Variants in LINC00237 observed in about 807,000 individuals in gnomAD.
LINC00237 encodes long intergenic non-protein coding RNA 237.
chr20:21,096,463 G>A (rs910976), intron 1 of LINC00237, among the ~76,000 whole-genome samples: 12,524 of 152,210 alleles, frequency 0.082, 942 homozygotes, highest in East Asian at 0.31. Flanking sequence ...TGGTCCTCGT[G>A]TCGCTGCAAG....
At chr20:21,088,861 A>C (rs1453204353) in intron 2 of LINC00237, among the ~76,000 whole-genome samples, 1 of 152,192 alleles carries the variant, frequency 6.6e-6, no homozygotes, top group Non-Finnish European at 1.5e-5. Context: ...TTCCAAAAAA[A>C]AAATCAACAT....
chr20:21,100,021 C>T (rs1210100885), intron 1 of LINC00237, among the ~76,000 whole-genome samples: 1 of 152,230 alleles, frequency 6.6e-6, no homozygotes, highest in African/African-American at 2.4e-5. Context: ...TATGCAAATT[C>T]TGACCTCCGA....
intron 3 of LINC00237, among the ~76,000 whole-genome samples, chr20:21,087,004 A>G (rs2030720612): frequency 6.9e-6 from 1 of 144,460 alleles, no homozygotes; most frequent in Non-Finnish European, 1.5e-5. Flanking sequence ...TATATAGTAC[A>G]TATATAGTAT....
chr20:21,086,652 T>TATATATAGTATACTAC (rs1555861067), intron 3 of LINC00237, among the ~76,000 whole-genome samples: 10,585 of 30,264 alleles, frequency 0.35, 868 homozygotes, highest in East Asian at 0.55. Flanking sequence ...TAGTATACTA[T>TATATATAGTATACTAC]ATATGTATAG....
exon 2 of LINC00237, chr20:21,093,499 C>T (rs1362091424): frequency 1.3e-5 from 2 of 152,274 alleles, no homozygotes; most frequent in African/African-American, 2.4e-5. Context: ...AGTTCTCCCA[C>T]AGCATTACTC....
Position 21,102,343 on chromosome 20 carries a change from G to A in LINC00237, n.88+3928C>T, listed in dbSNP as rs138578931. On this transcript the variant is annotated intron_variant and non_coding_transcript_variant, in intron 1 of 3. Transcript: ENST00000691244. ...GGAATTTAAGTTTCCCACTCTCGAC[G>A]TGTCTGGAACCTTCCCTCTAGCCGC... is the stretch of plus-strand genomic sequence containing the variant. Among the ~76,000 whole-genome samples, 1,514 of 152,278 alleles carry A rather than the reference G, an allele frequency of 9.9e-3. 24 individuals carry two copies. Among genetic ancestry groups the A allele is most frequent in the African/African-American group, 0.034 (1,427 of 41,556 alleles).
intron 1 of LINC00237, among the ~76,000 whole-genome samples, chr20:21,096,027 G>A (rs2030853777): frequency 6.6e-6 from 1 of 152,190 alleles, no homozygotes; most frequent in South Asian, 2.1e-4. Flanking sequence ...CTTGATGGTT[G>A]CCTTCCCTTC....
At chr20:21,087,861 C>T (rs2030735305) in intron 3 of LINC00237, 3 of 152,232 alleles carry the variant, frequency 2.0e-5, no homozygotes, top group South Asian at 4.1e-4. Context: ...TAAACTGAGG[C>T]TTAGAAGCTA....
intron 1 of LINC00237, among the ~76,000 whole-genome samples, chr20:21,094,878 C>G (rs758837296): frequency 6.6e-6 from 1 of 152,138 alleles, no homozygotes. Flanking sequence ...GGCAAAACCC[C>G]ATCTGTACTA....
At position 21,092,473 on chromosome 20, in the gene LINC00237, T is replaced by A. The variant is rs185288256; in HGVS notation, n.472+996A>T. On this transcript the variant is annotated intron_variant and non_coding_transcript_variant, in intron 2 of 3. Coordinates refer to ENST00000691244, the Ensembl canonical transcript of LINC00237. The stretch of plus-strand genomic sequence containing the variant: ...TGCCCAGGCGGTAGGCACTTTGAGG[T>A]TGAATGCCCTAGGTAGAAGGGAGAG... 3.9e-4 allele frequency among the ~76,000 whole-genome samples: 60 copies of A among 152,282 alleles called. 1 individual carries two copies. Among genetic ancestry groups the A allele is most frequent in the African/African-American group, 1.3e-3 (56 of 41,558 alleles).
In LINC00237 at chr20:21,098,454, C is replaced by A. The variant is rs576140233; in HGVS notation, n.89-4602G>T. ...ATGCTATTGTCATACTCTTGTGACA[C>A]AATGACTTCTTTTCTGGAAAAGTAA... On this transcript the variant is annotated intron_variant and non_coding_transcript_variant, in intron 1 of 3. Transcript: ENST00000691244. Among the ~76,000 whole-genome samples the A allele has an allele frequency of 9.8e-5, 15 of 152,352 alleles. No individual in the cohort carries two copies. In the South Asian group the frequency reaches 3.1e-3, roughly 32 times the overall value.
chr20:21,095,679 A>G (rs1362277843), intron 1 of LINC00237, among the ~76,000 whole-genome samples: 2 of 152,204 alleles, frequency 1.3e-5, no homozygotes, highest in Non-Finnish European at 2.9e-5. Flanking sequence ...TGTGGGAAGG[A>G]GATCTTTAAG....
chr20:21,086,675 A>AT (rs2030706273), intron 3 of LINC00237, among the ~76,000 whole-genome samples: 2 of 7,446 alleles, frequency 2.7e-4, no homozygotes, highest in South Asian at 0.021. Flanking sequence ...TACTATATAT[A>AT]GTATACTACA....
intron 1 of LINC00237, among the ~76,000 whole-genome samples, chr20:21,098,742 G>A (rs979326759): frequency 6.6e-6 from 1 of 152,212 alleles, no homozygotes; most frequent in African/African-American, 2.4e-5. Flanking sequence ...TCAAACATGT[G>A]GGAATGTATA....
intron 2 of LINC00237, among the ~76,000 whole-genome samples, chr20:21,088,907 G>A (rs145880735): frequency 1.9e-3 from 294 of 151,952 alleles, no homozygotes; most frequent in Non-Finnish European, 3.3e-3. Flanking sequence ...ATCACTATAC[G>A]AATACTGCAT....
At chr20:21,087,627 A>T (rs2030731959) in intron 3 of LINC00237, 1 of 152,170 alleles carries the variant, frequency 6.6e-6, no homozygotes, top group Non-Finnish European at 1.5e-5. Flanking sequence ...TTTGGAAAGG[A>T]AAGAAAAATT....
At chr20:21,093,621 G>A (rs2030819881) in exon 2 of LINC00237, 2 of 152,258 alleles carry the variant, frequency 1.3e-5, no homozygotes, top group South Asian at 4.1e-4. Flanking sequence ...ATGTTCACAG[G>A]TGCTGGAATC....
chr20:21,096,176 T>A (rs1031084461), intron 1 of LINC00237, among the ~76,000 whole-genome samples: 1 of 152,194 alleles, frequency 6.6e-6, no homozygotes, highest in African/African-American at 2.4e-5. Flanking sequence ...GGGGATTACT[T>A]TGAACGGGTG....
intron 2 of LINC00237, chr20:21,090,093 CA>C (rs1479589977): frequency 6.6e-6 from 1 of 152,176 alleles, no homozygotes; most frequent in Non-Finnish European, 1.5e-5. Context: ...GATATGTTGG[CA>C]AACAATTTTA....
Sources: allele counts gnomAD v4.1 joint callset (sites outside exome capture counted in the v4.1 genomes callset), GRCh38; gene constraint gnomAD v4.1.1; transcripts MANE v1.5; gene names NCBI Gene and HGNC (gene_info 2026-07-23, HGNC 2026-07-21).